Variants in CCDC81 observed in about 807,000 individuals in gnomAD.
CCDC81 encodes the protein coiled-coil domain-containing protein 81.
Under a neutral mutation model 83.7 loss-of-function variants are expected in CCDC81, and 79 were observed. That is an observed-to-expected ratio of 0.94 (90% CI 0.79 to 1.14). The LOEUF is 1.14. Ranked by LOEUF, CCDC81 falls within the 50% of genes most tolerant of loss-of-function variation. The pLI is 0.00. For missense variants in CCDC81, 791 were observed against 778.1 expected (o/e 1.02, Z -0.20); for synonymous variants, 252 against 278.1 (o/e 0.91, Z 0.93).
chr11:86,379,297 CATGTTAGCCAG>C (rs1405005617), intron 1 of CCDC81, among the ~76,000 whole-genome samples: 1 of 152,022 alleles, frequency 6.6e-6, no homozygotes, highest in Non-Finnish European at 1.5e-5. Context: ...GGGGTTTCAC[CATGTTAGCCAG>C]GATGGTCTTG....
chr11:86,404,744 G>C (rs1448657746), intron 7 of CCDC81, among the ~76,000 whole-genome samples: 2 of 152,210 alleles, frequency 1.3e-5, no homozygotes, highest in Non-Finnish European at 2.9e-5. Context: ...TAGAAAACAT[G>C]ACCAGTGTGG....
rs541408625 is a variant in CCDC81, at chr11:86,399,668, A to AT, written c.758-1000dup. Among the ~76,000 whole-genome samples the AT allele has an allele frequency of 4.1e-3, 602 of 145,746 alleles. 6 individuals are homozygous for AT. The highest frequency in any genetic ancestry group is 0.014 in the Middle Eastern group (4 of 282). ...CTTCCCCAACTTCATCCTTTTGTTC[A>AT]TTTTTTTTTTCCTGCAGCCTGAATT... On this transcript the variant is annotated intron_variant, in intron 6 of 14. Coordinates refer to ENST00000445632, the MANE Select transcript of CCDC81 (RefSeq NM_001156474.2).
intron 1 of CCDC81, among the ~76,000 whole-genome samples, chr11:86,385,293 G>A (rs376816241): frequency 1.1e-4 from 17 of 152,282 alleles, no homozygotes; most frequent in Admixed American, 4.6e-4. Context: ...GCTGAGGCAG[G>A]AGACTCGTTT....
At chr11:86,385,235 A>G (rs1948226063) in intron 1 of CCDC81, among the ~76,000 whole-genome samples, 1 of 152,182 alleles carries the variant, frequency 6.6e-6, no homozygotes, top group Admixed American at 6.5e-5. Context: ...TAAAAGTACA[A>G]TTAGCCAGGC....
At position 86,415,241 on chromosome 11, in the gene CCDC81, A is replaced by G. The variant is rs756453573; in HGVS notation, c.1619A>G (p.Lys540Arg). The G allele has an allele frequency of 1.2e-6, 2 of 1,614,118 alleles. No individual in the cohort carries two copies. Among genetic ancestry groups the G allele is most frequent in the African/African-American group, 1.3e-5 (1 of 74,942 alleles). The change falls in exon 13 of 15, where the codon AAG becomes AGG. Residue 540 changes from lysine (K) to arginine (R), a missense_variant. Transcript: ENST00000445632. ...KHQLEAAANH[K>R]RKAILHQLVD... ...CAGCTGGAGGCAGCTGCTAACCACA[A>G]GAGGAAAGCCATCCTGCATCAACTA...
At chr11:86,405,804 C>T (rs1948558130) in intron 7 of CCDC81, among the ~76,000 whole-genome samples, 4 of 148,152 alleles carry the variant, frequency 2.7e-5, no homozygotes, top group Admixed American at 2.7e-4. Context: ...TTTTTTTTGC[C>T]CAGGCTGGAG....
chr11:86,394,751 C>A (rs1275622553), intron 4 of CCDC81, among the ~76,000 whole-genome samples: 1 of 152,072 alleles, frequency 6.6e-6, no homozygotes. Context: ...TAAAATGTGA[C>A]AATGTGACTA....
intron 1 of CCDC81, among the ~76,000 whole-genome samples, chr11:86,377,101 G>A (rs1948108054): frequency 6.6e-6 from 1 of 151,326 alleles, no homozygotes; most frequent in South Asian, 2.1e-4. Context: ...ATTCCTCCAT[G>A]TCTTTTTGTG....
intron 9 of CCDC81, 21 bp from the exon 10 acceptor site, chr11:86,409,238 CTT>C (rs57270595): frequency 6.3e-4 from 590 of 932,510 alleles, no homozygotes; most frequent in South Asian, 1.7e-3. Flanking sequence ...TAAAAATAAA[CTT>C]TTTTTTTTTT....
At chr11:86,384,405 C>T (rs1355780711) in intron 1 of CCDC81, among the ~76,000 whole-genome samples, 1 of 151,984 alleles carries the variant, frequency 6.6e-6, no homozygotes, top group Non-Finnish European at 1.5e-5. Flanking sequence ...GAATCTTGGC[C>T]CTCGTGCTCA....
At chr11:86,385,952 TC>T (rs1948235833) in intron 1 of CCDC81, 98 bp from the exon 2 acceptor site, 1 of 508,442 alleles carries the variant, frequency 2.0e-6, no homozygotes, top group Non-Finnish European at 3.6e-6. Context: ...GTCATTTGCT[TC>T]CACATTTCAT....
rs1415793368 is a variant in CCDC81, at chr11:86,409,452, T to C, written c.1218+87T>C. ...TCCCTGTGTTGCAGGTTGTGCCTTA[T>C]TTTTTATTTTTATTTTTTGAGATGG... On this transcript the variant is annotated intron_variant, in intron 10 of 14. Transcript: ENST00000445632. 6.9e-6 allele frequency: 4 copies of C among 581,504 alleles called. No homozygotes were observed. In the South Asian group the frequency reaches 1.4e-4, roughly 21 times the overall value. 36.0% of individuals were successfully genotyped at this position (581,504 alleles called of 1,614,324 possible). A position where few individuals can be genotyped will look rare whatever the true frequency, so the allele number is the denominator to read the frequency against.
At chr11:86,421,475 A>G (rs1948789375) in intron 14 of CCDC81, among the ~76,000 whole-genome samples, 1 of 152,058 alleles carries the variant, frequency 6.6e-6, no homozygotes, top group South Asian at 2.1e-4. Flanking sequence ...AGGCCTGGCT[A>G]ATTTTTTGTG....
At chr11:86,414,668 AT>A (rs1316198379) in intron 11 of CCDC81, 120 bp from the exon 12 acceptor site, 2 of 639,472 alleles carry the variant, frequency 3.1e-6, no homozygotes, top group African/African-American at 3.7e-5. Flanking sequence ...TAAAACATCA[AT>A]TTTTATTTAC....
At chr11:86,409,866 A>G (rs12289721) in intron 10 of CCDC81, among the ~76,000 whole-genome samples, 51,837 of 152,092 alleles carry the variant, frequency 0.34, 9,317 homozygotes, top group Admixed American at 0.41. Context: ...TCACTGTACC[A>G]TTCCTACTAG....
chr11:86,382,175 G>A (rs989064641), intron 1 of CCDC81, among the ~76,000 whole-genome samples: 1 of 152,166 alleles, frequency 6.6e-6, no homozygotes, highest in African/African-American at 2.4e-5. Context: ...GGAGGTCAAG[G>A]AGAAGTTGAA....
At chr11:86,380,845 C>T (rs887039396) in intron 1 of CCDC81, among the ~76,000 whole-genome samples, 2 of 152,226 alleles carry the variant, frequency 1.3e-5, no homozygotes, top group African/African-American at 4.8e-5. Flanking sequence ...ATGCTGTCTA[C>T]TATATCCGTT....
intron 1 of CCDC81, among the ~76,000 whole-genome samples, chr11:86,377,876 T>G (rs1948118626): frequency 6.6e-6 from 1 of 151,968 alleles, no homozygotes; most frequent in Admixed American, 6.6e-5. Context: ...TATGTTATCT[T>G]CTAGGAGTTC....
At chr11:86,397,343 AAACCAAT>A (rs1948422670) in intron 5 of CCDC81, among the ~76,000 whole-genome samples, 1 of 152,248 alleles carries the variant, frequency 6.6e-6, no homozygotes. Context: ...ATTGAAACAA[AAACCAAT>A]AACCTAAATA....
Sources: allele counts gnomAD v4.1 joint callset (sites outside exome capture counted in the v4.1 genomes callset), GRCh38; gene constraint gnomAD v4.1.1; transcripts MANE v1.5; gene names NCBI Gene and HGNC (gene_info 2026-07-23, HGNC 2026-07-21).